The following BRCA2 variants were observed in gnomAD, a reference collection of about 807,000 sequenced individuals.
The protein encoded by BRCA2 is BRCA2 DNA repair associated, also known as breast cancer type 2 susceptibility protein.
In BRCA2, 203 loss-of-function variants were observed where a neutral mutation model predicts 276.7. The ratio of observed to expected loss-of-function variants is 0.73; its 90% CI spans 0.65 to 0.82. The LOEUF is 0.82. BRCA2 is among the 40% of genes least tolerant of loss of function. The pLI is 0.00. For synonymous variants in BRCA2, 1,289 were observed against 1,338.4 expected, an observed-to-expected ratio of 0.96 and a Z score of 0.81; for missense variants, 3,920 against 3,915.0, an observed-to-expected ratio of 1.00 and a Z score of -0.03.
chr13:32,384,109 C>A (rs1329492884), intron 24 of BRCA2, among the ~76,000 whole-genome samples: 2 of 152,150 alleles, frequency 1.3e-5, no homozygotes, highest in African/African-American at 4.8e-5. Context: ...TAGCAAGGAA[C>A]AGTAATGAAT....
chr13:32,367,738 C>T (rs1316265938), intron 18 of BRCA2, among the ~76,000 whole-genome samples: 3 of 150,306 alleles, frequency 2.0e-5, no homozygotes, highest in Non-Finnish European at 3.0e-5. Flanking sequence ...GAGGTTGCAG[C>T]GAGTTGAGAT....
intron 13 of BRCA2, among the ~76,000 whole-genome samples, chr13:32,353,501 T>C (rs902806539): frequency 6.6e-6 from 1 of 152,206 alleles, no homozygotes; most frequent in African/African-American, 2.4e-5. Flanking sequence ...AGATTCTTCA[T>C]GATCTGGCTG....
intron 11 of BRCA2, 152 bp downstream of exon 11, chr13:32,341,348 C>A (rs2072568265): frequency 9.9e-7 from 1 of 1,010,108 alleles, no homozygotes; most frequent in Non-Finnish European, 1.5e-6. Context: ...GTTTGATATA[C>A]AGATACACAG....
rs376377378 is a variant in BRCA2 at position 32,346,059 on chromosome 13, T to G, written c.6938-768T>G. Among the ~76,000 whole-genome samples, 8 of 152,148 alleles carry G rather than the reference T, an allele frequency of 5.3e-5. No individual in the cohort carries two copies. The East Asian group carries it at 1.5e-3, about 29-fold the overall frequency. Reference sequence around the variant, plus strand: ...TGTTTTCAATTTTAGGATTTGTCTTTTCTTATTTAATTTTACATTTGAATA... The same window carrying G: ...TGTTTTCAATTTTAGGATTTGTCTTGTCTTATTTAATTTTACATTTGAATA... On this transcript the variant is annotated intron_variant, in intron 12 of 26. Coordinates refer to ENST00000380152, the MANE Select transcript of BRCA2 (RefSeq NM_000059.4).
intron 2 of BRCA2, among the ~76,000 whole-genome samples, chr13:32,318,304 C>G (rs2072278158): frequency 6.6e-6 from 1 of 152,166 alleles, no homozygotes; most frequent in Admixed American, 6.5e-5. Context: ...GCTCACAATA[C>G]AAATTTGTCA....
Position 32,344,695 on chromosome 13 carries a change from G to T in BRCA2, c.6937+42G>T, listed in dbSNP as rs1371469196. 3 of 1,356,536 alleles carry T rather than the reference G, an allele frequency of 2.2e-6. No individual in the cohort carries two copies. In the Admixed American group the frequency reaches 5.1e-5, roughly 23 times the overall value. 84.0% of individuals were successfully genotyped at this position (1,356,536 alleles called of 1,614,324 possible). On this transcript the variant is annotated intron_variant, in intron 12 of 26. Transcript: ENST00000380152. ...ATTTATATCTGTTCTCCCTCTATAG[G>T]TATGGTATATAATATTCTGACCTCA...
In BRCA2 at chr13:32,398,816, G is replaced by T. The variant is rs973872529; in HGVS notation, c.*46G>T. ...AAATTATTGACGCTTAACCTTTCCA[G>T]TTTATAAGACTGGAATATAATTTCA... On this transcript the variant is annotated 3_prime_UTR_variant, in exon 27 of 27. Coordinates refer to ENST00000380152, the MANE Select transcript of BRCA2 (RefSeq NM_000059.4). 3.1e-6 allele frequency: 5 copies of T among 1,598,054 alleles called. No homozygotes were observed. Among genetic ancestry groups the T allele is most frequent in the Non-Finnish European group, 3.4e-6 (4 of 1,172,400 alleles).
At chr13:32,319,419 A>T in intron 3 of BRCA2, 94 bp downstream of exon 3, 1 of 1,282,360 alleles carries the variant, frequency 7.8e-7, no homozygotes, top group Non-Finnish European at 1.1e-6. Flanking sequence ...TAATTGTGTC[A>T]TGCTGGGCAA....
intron 25 of BRCA2, 27 bp from the exon 26 acceptor site, chr13:32,396,871 A>T (rs1218320302): frequency 4.3e-6 from 7 of 1,613,724 alleles, no homozygotes; most frequent in Non-Finnish European, 5.9e-6. Context: ...GCAATTTATA[A>T]AGCAGCTTTT....
intron 25 of BRCA2, chr13:32,396,682 C>T (rs914613499): frequency 1.7e-6 from 1 of 576,706 alleles, no homozygotes; most frequent in Admixed American, 3.0e-5. Flanking sequence ...CATACTTTTT[C>T]TCTGTTCCCC....
intron 13 of BRCA2, among the ~76,000 whole-genome samples, chr13:32,352,845 G>A (rs1160129108): frequency 6.6e-6 from 1 of 152,206 alleles, no homozygotes; most frequent in East Asian, 1.9e-4. Context: ...AGAGGGTAGA[G>A]AATGATTGAG....
chr13:32,352,034 C>CA (rs1397365004), intron 13 of BRCA2, among the ~76,000 whole-genome samples: 2 of 152,090 alleles, frequency 1.3e-5, no homozygotes, highest in East Asian at 3.9e-4. Flanking sequence ...ATCTCCTGAC[C>CA]TCGTGATCCG....
rs2137487841 is a variant in BRCA2, at chr13:32,336,930, G to C, written c.2575G>C (p.Val859Leu). The C allele has an allele frequency of 6.3e-7, 1 of 1,596,110 alleles. No individual in the cohort carries two copies. The highest frequency in any genetic ancestry group is 2.2e-5 in the East Asian group (1 of 44,782). ...VQFNQNTNLR[V>L]IQKNQEETTS... ...ATTCAACCAAAACACAAATCTAAGA[G>C]TAATCCAAAAAAATCAAGAAGAAAC... is the stretch of plus-strand genomic sequence containing the variant. The change falls in exon 11 of 27, where the codon GTA (valine) becomes CTA (leucine). Residue 859 changes from valine (V) to leucine (L), a missense_variant. By Grantham distance (32) the Val-to-Leu change is conservative. This residue lies in a region of BRCA2 where 3,263 missense variants were observed against 3,156.9 expected (regional missense o/e 1.03). Transcript: ENST00000380152.
chr13:32,351,907 C>T (rs1417224807), intron 13 of BRCA2, among the ~76,000 whole-genome samples: 1 of 151,990 alleles, frequency 6.6e-6, no homozygotes, highest in Non-Finnish European at 1.5e-5. Flanking sequence ...GTTCAAGCGA[C>T]TCTCCTGCTT....
chr13:32,362,750 G>C lies in BRCA2; in HGVS notation c.7976+57G>C, dbSNP rs559986603. ...ATACGGCAGTATGGTTAAGGTTTCT[G>C]TGTAGTCTGTGACTTCCATGTCAAA... On this transcript the variant is annotated intron_variant, in intron 17 of 26. Coordinates refer to ENST00000380152, the MANE Select transcript of BRCA2 (RefSeq NM_000059.4). 262 of 1,582,916 alleles carry C rather than the reference G, an allele frequency of 1.7e-4. No homozygotes were observed. Among genetic ancestry groups the C allele is most frequent in the Admixed American group, 2.2e-4 (13 of 59,800 alleles).
At chr13:32,348,321 A>T (rs1165793776) in intron 13 of BRCA2, among the ~76,000 whole-genome samples, 1 of 144,314 alleles carries the variant, frequency 6.9e-6, no homozygotes, top group Non-Finnish European at 1.5e-5. Flanking sequence ...ACTGAAGGAC[A>T]TGAGTTTCCT....
intron 24 of BRCA2, among the ~76,000 whole-genome samples, chr13:32,384,358 C>T (rs1257205113): frequency 6.6e-6 from 1 of 152,068 alleles, no homozygotes; most frequent in Non-Finnish European, 1.5e-5. Context: ...TGAAAGGATT[C>T]GAGGAGATGA....
intron 24 of BRCA2, among the ~76,000 whole-genome samples, chr13:32,388,532 CT>C (rs994897492): frequency 2.3e-4 from 35 of 150,126 alleles, no homozygotes; most frequent in Non-Finnish European, 4.5e-4. Flanking sequence ...ATATTCAACA[CT>C]TTTTTTTTTA....
In BRCA2 at chr13:32,379,504, A is replaced by G. The variant is rs398122716; in HGVS notation, c.8942A>G (p.Glu2981Gly). ...CGTATTGTAAGCTATTCAAAAAAAG[A>G]AAAAGATTCAGGTAAGTATGTAAAT... ...KLRIVSYSKKEKDSVILSIWR... is the reference protein window; with the variant it reads ...KLRIVSYSKKGKDSVILSIWR... The change falls in exon 22 of 27, where the codon GAA becomes GGA. Residue 2981 changes from glutamate to glycine, a missense_variant. By Grantham distance (98) the Glu-to-Gly change is moderately conservative (BLOSUM62 -2). This residue lies in a region of BRCA2 where 657 missense variants were observed against 758.2 expected (regional missense o/e 0.87). Coordinates refer to ENST00000380152, the MANE Select transcript of BRCA2 (RefSeq NM_000059.4). 4.3e-6 allele frequency: 7 copies of G among 1,612,854 alleles called. No individual in the cohort carries two copies. In the Admixed American group the frequency reaches 8.4e-5, roughly 19 times the overall value.
Sources: gnomAD v4.1 joint callset for allele counts (sites outside exome capture counted in the v4.1 genomes callset) on GRCh38, gnomAD v4.1.1 for gene constraint, gnomAD v4.1.1 regional missense constraint, MANE v1.5 for transcripts, NCBI Gene and HGNC (gene_info 2026-07-23, HGNC 2026-07-21) for gene names.